The following KLHL1 variants were observed in gnomAD, a reference collection of about 807,000 sequenced individuals.
KLHL1 encodes the protein kelch like family member 1, also known as kelch-like protein 1.
Under a neutral mutation model 77.7 loss-of-function variants are expected in KLHL1, and 47 were observed. The observed-to-expected ratio is 0.60, with a 90% CI of 0.48 to 0.77. The LOEUF (loss-of-function observed/expected upper bound fraction) is 0.77. Among genes scored for constraint, KLHL1 ranks in the 30% least tolerant of loss-of-function variants. KLHL1 has a pLI of 0.00. For synonymous variants in KLHL1, 360 were observed against 325.2 expected (o/e 1.11, Z -1.15); for missense variants, 925 against 910.8 (o/e 1.02, Z -0.20).
At chr13:69,827,779 A>G (rs1251060742) in intron 6 of KLHL1, among the ~76,000 whole-genome samples, 1 of 151,970 alleles carries the variant, frequency 6.6e-6, no homozygotes, top group Non-Finnish European at 1.5e-5. Context: ...CTCATCATTA[A>G]CAGGTTAAAT....
intron 4 of KLHL1, among the ~76,000 whole-genome samples, chr13:69,919,601 G>T (rs1882565298): frequency 6.6e-6 from 1 of 151,948 alleles, no homozygotes; most frequent in African/African-American, 2.4e-5. Flanking sequence ...AACTAGTATG[G>T]CCAGCCTTGT....
intron 1 of KLHL1, among the ~76,000 whole-genome samples, chr13:70,038,759 T>G (rs1418160049): frequency 6.6e-6 from 1 of 151,612 alleles, no homozygotes; most frequent in Non-Finnish European, 1.5e-5. Context: ...CCTGGCTAAT[T>G]TTTGCATTTT....
intron 2 of KLHL1, among the ~76,000 whole-genome samples, chr13:69,974,895 C>T (rs1467953584): frequency 6.6e-6 from 1 of 151,808 alleles, no homozygotes; most frequent in Non-Finnish European, 1.5e-5. Flanking sequence ...AAAATAAAAT[C>T]AATAATATAA....
At chr13:69,766,476 AT>A (rs1052463557) in intron 7 of KLHL1, among the ~76,000 whole-genome samples, 3 of 149,752 alleles carry the variant, frequency 2.0e-5, no homozygotes, top group African/African-American at 4.9e-5. Context: ...ATTTTTATAT[AT>A]ATATACATAT....
At position 69,797,469 on chromosome 13, in the gene KLHL1, T is replaced by C. The variant is rs568284740; in HGVS notation, c.1415-507A>G. ...AAGGTTTTAAAAGTCAATTGTAAGA[T>C]ATATAAGCAAATATTTGCTATGCTT... On this transcript the variant is annotated intron_variant, in intron 6 of 10. Transcript: ENST00000377844. 5.0e-4 allele frequency among the ~76,000 whole-genome samples: 76 copies of C among 152,280 alleles called. No individual in the cohort carries two copies. The South Asian group carries it at 8.5e-3, about 17-fold the overall frequency.
At chr13:70,050,503 T>C (rs1178296570) in intron 1 of KLHL1, among the ~76,000 whole-genome samples, 4 of 151,898 alleles carry the variant, frequency 2.6e-5, no homozygotes, top group African/African-American at 9.7e-5. Flanking sequence ...CTGAAATACA[T>C]TGCACTTCAG....
chr13:70,016,229 C>T (rs898074472), intron 1 of KLHL1, among the ~76,000 whole-genome samples: 2 of 152,248 alleles, frequency 1.3e-5, no homozygotes, highest in South Asian at 4.1e-4. Flanking sequence ...GCAGCAGCCA[C>T]TGACACACAC....
intron 8 of KLHL1, among the ~76,000 whole-genome samples, chr13:69,731,528 A>G (rs967880025): frequency 6.6e-6 from 1 of 152,156 alleles, no homozygotes; most frequent in African/African-American, 2.4e-5. Context: ...TTTCTCAGCA[A>G]CTATAGCCAA....
intron 1 of KLHL1, among the ~76,000 whole-genome samples, chr13:69,987,456 C>CT (rs1388362310): frequency 6.6e-6 from 1 of 151,878 alleles, no homozygotes; most frequent in Non-Finnish European, 1.5e-5. Context: ...TAAAAATCAG[C>CT]TTTTTTTCTG....
At chr13:69,786,211 G>T (rs933355816) in intron 7 of KLHL1, among the ~76,000 whole-genome samples, 3 of 152,116 alleles carry the variant, frequency 2.0e-5, no homozygotes, top group Non-Finnish European at 4.4e-5. Context: ...TCAAAAAAGA[G>T]AATTTTAGAC....
intron 1 of KLHL1, among the ~76,000 whole-genome samples, chr13:70,050,369 G>T (rs1167394721): frequency 6.6e-6 from 1 of 151,328 alleles, no homozygotes; most frequent in Non-Finnish European, 1.5e-5. Flanking sequence ...GTTTTATAAG[G>T]TTTAAGATTA....
rs1322254519 is a variant in KLHL1 at position 69,840,623 on chromosome 13, CT to C, written c.1228-1462del. 3.3e-5 allele frequency among the ~76,000 whole-genome samples: 5 copies of C among 151,308 alleles called. No individual in the cohort carries two copies. In the East Asian group the frequency reaches 9.8e-4, roughly 30 times the overall value. ...TTAATTACATTCTTGGCTCAGTTTCCTTTTGTTGTATACTAATACCTTAGCT... is the reference window on the plus strand; with the variant it reads ...TTAATTACATTCTTGGCTCAGTTTCCTTTGTTGTATACTAATACCTTAGCT... On this transcript the variant is annotated intron_variant, in intron 5 of 10. Coordinates refer to ENST00000377844, the MANE Select transcript of KLHL1 (RefSeq NM_020866.3).
intron 4 of KLHL1, among the ~76,000 whole-genome samples, chr13:69,939,678 C>T (rs1452427147): frequency 1.3e-5 from 2 of 152,048 alleles, no homozygotes; most frequent in Non-Finnish European, 2.9e-5. Flanking sequence ...CTGAATGCAA[C>T]ACGTGGAGGT....
chr13:69,916,942 C>A (rs183231224), intron 4 of KLHL1, among the ~76,000 whole-genome samples: 248 of 151,612 alleles, frequency 1.6e-3, no homozygotes, highest in African/African-American at 5.4e-3. Context: ...GAAAAACGTG[C>A]AGAAGAGTGT....
intron 4 of KLHL1, among the ~76,000 whole-genome samples, chr13:69,910,866 A>G (rs1292057598): frequency 1.3e-5 from 2 of 152,150 alleles, no homozygotes; most frequent in African/African-American, 2.4e-5. Context: ...GGACACATAT[A>G]TAAGCAATCA....
intron 7 of KLHL1, among the ~76,000 whole-genome samples, chr13:69,762,373 G>A (rs1022817217): frequency 6.6e-6 from 1 of 151,868 alleles, no homozygotes; most frequent in African/African-American, 2.4e-5. Context: ...TCAGCTTCTC[G>A]ACTCTGATAT....
intron 1 of KLHL1, among the ~76,000 whole-genome samples, chr13:70,036,641 T>G (rs1298667663): frequency 6.6e-6 from 1 of 151,982 alleles, no homozygotes; most frequent in Admixed American, 6.6e-5. Context: ...TTGAGTTTAA[T>G]GAATGTTGAT....
intron 1 of KLHL1, among the ~76,000 whole-genome samples, chr13:70,085,389 C>A (rs1887511240): frequency 6.6e-6 from 1 of 152,084 alleles, no homozygotes; most frequent in Admixed American, 6.6e-5. Flanking sequence ...TTTAACAGAG[C>A]CAAACTTAAG....
intron 6 of KLHL1, among the ~76,000 whole-genome samples, chr13:69,819,708 T>G (rs1207976750): frequency 6.6e-6 from 1 of 152,212 alleles, no homozygotes; most frequent in Admixed American, 6.5e-5. Flanking sequence ...CGATCACTGC[T>G]ACTGTGGCCC....
Sources: gnomAD v4.1 joint callset for allele counts (sites outside exome capture counted in the v4.1 genomes callset) on GRCh38, gnomAD v4.1.1 for gene constraint, MANE v1.5 for transcripts, NCBI Gene and HGNC (gene_info 2026-07-23, HGNC 2026-07-21) for gene names.